ATL2: variants seen among roughly 807,000 people sequenced by gnomAD.
ATL2 encodes atlastin-2.
Under a neutral mutation model 73.9 loss-of-function variants are expected in ATL2, and 31 were observed. That is an observed-to-expected ratio of 0.42 (90% CI 0.32 to 0.57). ATL2 has a LOEUF of 0.57. Among genes scored for constraint, ATL2 ranks in the 20% least tolerant of loss-of-function variants. The probability of loss-of-function intolerance (pLI) is 0.14; values close to 1 mark genes in which losing one functional copy is unlikely to be tolerated. For synonymous variants in ATL2, 291 were observed against 237.5 expected, an observed-to-expected ratio of 1.23 and a Z score of -2.07; for missense variants, 738 against 702.6, an observed-to-expected ratio of 1.05 and a Z score of -0.57.
At chr2:38,314,800 C>T (rs1157678386) in intron 5 of ATL2, 136 bp from the exon 6 acceptor site, 7 of 584,172 alleles carry the variant, frequency 1.2e-5, no homozygotes, top group Non-Finnish European at 2.1e-5. Context: ...TTTTCTAACA[C>T]ACTAGGTATG....
intron 1 of ATL2, among the ~76,000 whole-genome samples, chr2:38,370,763 C>G (rs1671641931): frequency 6.6e-6 from 1 of 151,922 alleles, no homozygotes; most frequent in Non-Finnish European, 1.5e-5. Flanking sequence ...AAGACTCGAT[C>G]TCAAAACGAA....
chr2:38,320,262 A>G (rs1668247281), intron 2 of ATL2, among the ~76,000 whole-genome samples: 1 of 152,194 alleles, frequency 6.6e-6, no homozygotes, highest in South Asian at 2.1e-4. Flanking sequence ...AAATTAGGGT[A>G]AGGAAGATTG....
intron 1 of ATL2, among the ~76,000 whole-genome samples, chr2:38,369,829 C>G (rs1671562664): frequency 6.6e-6 from 1 of 151,736 alleles, no homozygotes. Flanking sequence ...GGGTGTTTTC[C>G]CGTCAAAACT....
intron 2 of ATL2, 56 bp from the exon 3 acceptor site, chr2:38,319,075 C>CA (rs1458224476): frequency 4.6e-6 from 7 of 1,533,552 alleles, no homozygotes; most frequent in African/African-American, 4.2e-5. Context: ...TAAAAGAAAC[C>CA]AAAAAATCAC....
At chr2:38,351,772 C>T (rs1250850754) in intron 1 of ATL2, among the ~76,000 whole-genome samples, 2 of 151,624 alleles carry the variant, frequency 1.3e-5, no homozygotes, top group South Asian at 2.1e-4. Context: ...GGATTACAGG[C>T]GTGAGCCACC....
At position 38,296,052 on chromosome 2, in the gene ATL2, G is replaced by C. The variant is rs1343241614; in HGVS notation, c.1694C>G (p.Ser565Cys). 4.5e-6 allele frequency: 7 copies of C among 1,551,724 alleles called. No homozygotes were observed. The highest frequency in any genetic ancestry group is 2.4e-5 in the East Asian group (1 of 40,918). ...CTGGTCAGTCAGGCCTGCTTTGATA[G>C]AGTTTGTTACAGACTGCCTTATGTT... ...EENIRQSVTN[S>C]IKAGLTDQVS... Residue 565 changes from serine to cysteine, a missense_variant, in exon 13 of 13, where the codon TCT becomes TGT. Ser to Cys is a moderately radical substitution (Grantham distance 112). Transcript: ENST00000378954.
chr2:38,321,942 T>G (rs1477100453), intron 2 of ATL2, among the ~76,000 whole-genome samples: 1 of 152,102 alleles, frequency 6.6e-6, no homozygotes, highest in African/African-American at 2.4e-5. Context: ...CAATCCATCT[T>G]TAATTTACTC....
intron 1 of ATL2, chr2:38,375,968 C>A: frequency 1.0e-6 from 1 of 988,678 alleles, no homozygotes; most frequent in Middle Eastern, 3.6e-4. Flanking sequence ...ATAAACTTTC[C>A]TATTAAAGTG....
At chr2:38,310,490 G>C (rs1398214069) in intron 7 of ATL2, 43 bp from the exon 8 acceptor site, 4 of 1,549,580 alleles carry the variant, frequency 2.6e-6, no homozygotes, top group Non-Finnish European at 3.5e-6. Context: ...ACAGAAGAAA[G>C]AAAATTTTTT....
chr2:38,325,675 C>T (rs1193036153), intron 2 of ATL2, among the ~76,000 whole-genome samples: 35 of 75,714 alleles, frequency 4.6e-4, no homozygotes, highest in Admixed American at 4.5e-3. Context: ...CACACACACA[C>T]ACACACACAC....
rs1364661203 is a variant in ATL2, at chr2:38,295,818, A to G, written c.*176T>C. The G allele has an allele frequency of 7.3e-6, 4 of 551,376 alleles. No homozygotes were observed. Among genetic ancestry groups the G allele is most frequent in the Non-Finnish European group, 1.3e-5 (4 of 318,316 alleles). The allele number at this position is 551,376 out of a possible 1,614,324, so 34.2% of individuals were successfully genotyped here. A position where few individuals can be genotyped will look rare whatever the true frequency, so the allele number is the denominator to read the frequency against. On this transcript the variant is annotated 3_prime_UTR_variant, in exon 13 of 13. Coordinates refer to ENST00000378954, the MANE Select transcript of ATL2 (RefSeq NM_001135673.4). Reference sequence around the variant, plus strand: ...CATCTGCATGTCTTAGGAGCCATTAAAAGAATGCTTAAAACTAACAAACAA... The same window carrying G: ...CATCTGCATGTCTTAGGAGCCATTAGAAGAATGCTTAAAACTAACAAACAA...
At position 38,297,978 on chromosome 2, in the gene ATL2, A is replaced by C. The variant is rs34124543; in HGVS notation, c.1632+166T>G. The C allele has an allele frequency of 3.4e-3, 2,318 of 675,692 alleles. 7 individuals carry two copies. The highest frequency in any genetic ancestry group is 4.7e-3 in the Non-Finnish European group (1,967 of 414,692). 41.9% of individuals were successfully genotyped at this position (675,692 alleles called of 1,614,324 possible). A position where few individuals can be genotyped will look rare whatever the true frequency, so the allele number is the denominator to read the frequency against. On this transcript the variant is annotated intron_variant, in intron 12 of 12. Coordinates refer to ENST00000378954, the MANE Select transcript of ATL2 (RefSeq NM_001135673.4). The stretch of plus-strand genomic sequence containing the variant: ...CAAAGTACATTAAAATTATAACTTT[A>C]AAGAAAAAATCTTCAATTCATAAAG...
intron 9 of ATL2, 62 bp from the exon 10 acceptor site, chr2:38,300,390 G>C: frequency 8.9e-7 from 1 of 1,127,350 alleles, no homozygotes; most frequent in South Asian, 1.3e-5. Flanking sequence ...CATCCCCAAA[G>C]AAAGAAAAGT....
At chr2:38,308,779 A>C (rs1267119130) in intron 9 of ATL2, among the ~76,000 whole-genome samples, 1 of 152,160 alleles carries the variant, frequency 6.6e-6, no homozygotes, top group East Asian at 1.9e-4. Flanking sequence ...TAAATTTTAA[A>C]AAATTCATTC....
intron 2 of ATL2, among the ~76,000 whole-genome samples, chr2:38,322,099 A>G (rs1449877563): frequency 6.6e-6 from 1 of 152,104 alleles, no homozygotes; most frequent in East Asian, 1.9e-4. Flanking sequence ...AAAGGCTACA[A>G]ACAATCATCT....
chr2:38,358,720 T>A (rs1260189030), intron 1 of ATL2: 1 of 163,372 alleles, frequency 6.1e-6, no homozygotes, highest in Non-Finnish European at 1.4e-5. Flanking sequence ...TTTAAAACGT[T>A]AACATGATAT....
intron 1 of ATL2, among the ~76,000 whole-genome samples, chr2:38,362,970 C>G (rs1425436970): frequency 6.6e-6 from 1 of 152,154 alleles, no homozygotes; most frequent in Non-Finnish European, 1.5e-5. Context: ...TTTCTCATCC[C>G]TCAAAATAAT....
intron 2 of ATL2, among the ~76,000 whole-genome samples, chr2:38,320,355 T>C (rs1462238357): frequency 3.9e-5 from 6 of 152,154 alleles, no homozygotes; most frequent in African/African-American, 1.4e-4. Flanking sequence ...TGAAAGGATA[T>C]GCCTGGCATT....
chr2:38,349,384 G>A (rs1468655585), intron 1 of ATL2, among the ~76,000 whole-genome samples: 1 of 151,432 alleles, frequency 6.6e-6, no homozygotes, highest in African/African-American at 2.4e-5. Context: ...GGACATGGAT[G>A]AAATTGGAAA....
Sources: allele counts gnomAD v4.1 joint callset (sites outside exome capture counted in the v4.1 genomes callset), GRCh38; gene constraint gnomAD v4.1.1; transcripts MANE v1.5; gene names NCBI Gene and HGNC (gene_info 2026-07-23, HGNC 2026-07-21).